The following FBXO4 variants were observed in gnomAD, a reference collection of about 807,000 sequenced individuals.
FBXO4 encodes F-box only protein 4.
A neutral mutation model predicts 43.7 loss-of-function variants in FBXO4; 36 were observed. The ratio of observed to expected loss-of-function variants is 0.82; its 90% CI spans 0.63 to 1.09. The LOEUF (loss-of-function observed/expected upper bound fraction) is 1.09, where lower values mean the gene tolerates loss of function less well. Ranked by LOEUF, FBXO4 falls within the 50% of genes least tolerant of loss-of-function variation. The pLI is 0.00. For missense variants in FBXO4, 435 were observed against 474.1 expected (o/e 0.92, Z 0.77); for synonymous variants, 180 against 165.6 (o/e 1.09, Z -0.67).
At chr5:42,010,922 A>G in the FBXO4 span, among the ~76,000 whole-genome samples, 23 of 151,970 alleles carry the variant, frequency 1.5e-4, no homozygotes, top group Admixed American at 3.9e-4. Flanking sequence ...ACATGTGCAG[A>G]ACCTGCAGGT....
chr5:41,998,900 G>A, the FBXO4 span, among the ~76,000 whole-genome samples: 2 of 152,000 alleles, frequency 1.3e-5, no homozygotes, highest in African/African-American at 2.4e-5. Context: ...TTTGAGGCTC[G>A]GTATCTCCTT....
the FBXO4 span, among the ~76,000 whole-genome samples, chr5:41,957,308 T>C: frequency 2.0e-5 from 3 of 151,502 alleles, no homozygotes; most frequent in African/African-American, 7.3e-5. Flanking sequence ...GTTTTTTCTC[T>C]TTGTGTTTTA....
the FBXO4 span, among the ~76,000 whole-genome samples, chr5:42,017,626 G>T: frequency 6.7e-6 from 1 of 149,746 alleles, no homozygotes; most frequent in Non-Finnish European, 1.5e-5. Context: ...CAGTGTCATT[G>T]TTGCCATCTT....
the FBXO4 span, among the ~76,000 whole-genome samples, chr5:42,038,561 C>A: frequency 6.6e-6 from 1 of 152,044 alleles, no homozygotes; most frequent in Non-Finnish European, 1.5e-5. Context: ...ATGATCAAAT[C>A]AGAGTAATTG....
chr5:41,943,805 C>A (rs1752038883), downstream of FBXO4, among the ~76,000 whole-genome samples: 1 of 152,116 alleles, frequency 6.6e-6, no homozygotes, highest in Non-Finnish European at 1.5e-5. Flanking sequence ...TCCCAGTACA[C>A]CTCACAATGT....
At chr5:42,019,221 G>A in the FBXO4 span, among the ~76,000 whole-genome samples, 1 of 152,044 alleles carries the variant, frequency 6.6e-6, no homozygotes, top group African/African-American at 2.4e-5. Context: ...AAAATGTGCT[G>A]TAAATATAAA....
At chr5:42,017,852 C>A in the FBXO4 span, among the ~76,000 whole-genome samples, 8 of 151,930 alleles carry the variant, frequency 5.3e-5, no homozygotes, top group South Asian at 1.7e-3. Context: ...CGTCTCTGGG[C>A]ACCTATATTG....
intron 3 of FBXO4, among the ~76,000 whole-genome samples, chr5:41,931,247 A>G (rs374140489): frequency 2.0e-5 from 3 of 152,370 alleles, no homozygotes; most frequent in African/African-American, 4.8e-5. Context: ...TCTGAACTCT[A>G]AGTCACTGTT....
the FBXO4 span, among the ~76,000 whole-genome samples, chr5:41,953,527 G>A: frequency 6.6e-6 from 1 of 152,014 alleles, no homozygotes; most frequent in Non-Finnish European, 1.5e-5. Flanking sequence ...TGGGATGGCT[G>A]GGTCAAATGG....
chr5:41,929,919 T>A lies in FBXO4; in HGVS notation c.646+2T>A. ...GTTTGCCTCAGAGGCAGATTGATGG[T>A]AATTTTCATGTTAATCTACAGTTAA... On this transcript the variant is annotated splice_donor_variant, in intron 3 of 6. Transcript: ENST00000281623. LOFTEE classifies it high-confidence loss of function. The A allele has an allele frequency of 6.3e-7, 1 of 1,597,720 alleles. No individual in the cohort carries two copies. The highest frequency in any genetic ancestry group is 2.2e-5 in the East Asian group (1 of 44,778).
chr5:42,036,071 T>A, the FBXO4 span, among the ~76,000 whole-genome samples: 2 of 152,156 alleles, frequency 1.3e-5, no homozygotes, highest in Admixed American at 6.6e-5. Context: ...CATTGCAGAC[T>A]GCTTAAAACA....
At chr5:41,997,443 G>A in the FBXO4 span, among the ~76,000 whole-genome samples, 3 of 152,182 alleles carry the variant, frequency 2.0e-5, no homozygotes, top group Admixed American at 2.0e-4. Context: ...AGAGGCAGCT[G>A]TAATAGCTTC....
At chr5:41,965,471 G>T in the FBXO4 span, among the ~76,000 whole-genome samples, 2 of 152,102 alleles carry the variant, frequency 1.3e-5, no homozygotes, top group African/African-American at 4.8e-5. Context: ...AAATTACCTC[G>T]GGCAGTATGG....
intron 2 of FBXO4, among the ~76,000 whole-genome samples, chr5:41,929,450 C>A (rs377042116): frequency 3.3e-5 from 5 of 152,226 alleles, no homozygotes; most frequent in Middle Eastern, 3.4e-3. Flanking sequence ...AGTAAGTAAC[C>A]ACTTCATGGG....
chr5:41,941,284 C>A lies in FBXO4; in HGVS notation c.*3C>A. ...TGGAATCTAAGCGTGCAAGATGATT[C>A]TCTTTTCAGATCTTGGGAACTGAAA... On this transcript the variant is annotated 3_prime_UTR_variant, in exon 7 of 7. Transcript: ENST00000281623. 6.2e-7 allele frequency: 1 copy of A among 1,611,858 alleles called. No homozygotes were observed. The highest frequency in any genetic ancestry group is 8.5e-7 in the Non-Finnish European group (1 of 1,178,114).
At chr5:42,027,523 C>T in the FBXO4 span, among the ~76,000 whole-genome samples, 2,434 of 149,828 alleles carry the variant, frequency 0.016, 123 homozygotes, top group East Asian at 0.11. Flanking sequence ...TGTATTTTTT[C>T]ATTTCAATTT....
chr5:41,976,919 G>C, the FBXO4 span, among the ~76,000 whole-genome samples: 1 of 152,220 alleles, frequency 6.6e-6, no homozygotes, highest in African/African-American at 2.4e-5. Flanking sequence ...CTAGGAGAAA[G>C]CTGTCAAGCC....
the FBXO4 span, among the ~76,000 whole-genome samples, chr5:41,965,512 A>G: frequency 6.6e-6 from 1 of 152,200 alleles, no homozygotes; most frequent in South Asian, 2.1e-4. Flanking sequence ...CTTCCTACCC[A>G]TGAGCATGGA....
the FBXO4 span, among the ~76,000 whole-genome samples, chr5:42,029,389 T>C: frequency 5.9e-5 from 9 of 152,096 alleles, no homozygotes; most frequent in African/African-American, 1.7e-4. Flanking sequence ...CCTTGATCTT[T>C]GGAAATTTTA....
Sources: allele counts gnomAD v4.1 joint callset (sites outside exome capture counted in the v4.1 genomes callset), GRCh38; gene constraint gnomAD v4.1.1; transcripts MANE v1.5; gene names NCBI Gene and HGNC (gene_info 2026-07-23, HGNC 2026-07-21).